The following ZNF626 variants were observed in gnomAD, a reference collection of about 807,000 sequenced individuals.
ZNF626 encodes zinc finger protein 626.
A neutral mutation model predicts 11.7 loss-of-function variants in ZNF626; 4 were observed. The ratio of observed to expected loss-of-function variants is 0.34; its 90% CI spans 0.17 to 0.78. The LOEUF is 0.78. Ranked by LOEUF, ZNF626 falls within the 30% of genes least tolerant of loss-of-function variation. The pLI is 0.57. For synonymous variants in ZNF626, 179 were observed against 198.6 expected (o/e 0.90, Z 0.83); for missense variants, 588 against 587.1 (o/e 1.00, Z -0.01).
intron 1 of ZNF626, among the ~76,000 whole-genome samples, chr19:20,653,216 G>A (rs556285209): frequency 6.6e-6 from 1 of 152,210 alleles, no homozygotes; most frequent in South Asian, 2.1e-4. Flanking sequence ...GGTAATTCTA[G>A]ACTGTTTGGA....
intron 3 of ZNF626, among the ~76,000 whole-genome samples, chr19:20,638,792 T>G (rs1363443935): frequency 6.6e-6 from 1 of 152,074 alleles, no homozygotes; most frequent in Non-Finnish European, 1.5e-5. Flanking sequence ...AAGCAAATAT[T>G]GACAAAAGTG....
At position 20,630,231 on chromosome 19, in the gene ZNF626, G is replaced by A. The variant is rs35447331; in HGVS notation, c.227-4581C>T. On this transcript the variant is annotated intron_variant, in intron 3 of 3. Coordinates refer to ENST00000601440, the MANE Select transcript of ZNF626 (RefSeq NM_001076675.3). ...TCGATGTTCATCAAGGATATTGGTC[G>A]AAAATTCTCTTTTTTGGTTGGGTCT... Among the ~76,000 whole-genome samples, 36 of 151,948 alleles carry A rather than the reference G, an allele frequency of 2.4e-4. 1 individual carries two copies. In the East Asian group the frequency reaches 5.2e-3, roughly 22 times the overall value.
At chr19:20,646,158 A>AT (rs1405584541) in intron 2 of ZNF626, 121 bp downstream of exon 2, 1 of 1,221,094 alleles carries the variant, frequency 8.2e-7, no homozygotes, top group Non-Finnish European at 1.1e-6. Context: ...AATTCTGAAG[A>AT]TTTTCTGGAA....
At chr19:20,639,661 C>A (rs1970002659) in intron 3 of ZNF626, among the ~76,000 whole-genome samples, 1 of 152,166 alleles carries the variant, frequency 6.6e-6, no homozygotes, top group Non-Finnish European at 1.5e-5. Context: ...CACTTGAGCC[C>A]AGGAGGCTGA....
intron 1 of ZNF626, among the ~76,000 whole-genome samples, chr19:20,656,451 A>T (rs1555773130): frequency 6.6e-6 from 1 of 152,176 alleles, no homozygotes. Flanking sequence ...GACCTATTTA[A>T]ACTAAAGAGC....
At chr19:20,626,040 A>G (rs1363289094) in intron 3 of ZNF626, among the ~76,000 whole-genome samples, 1 of 152,094 alleles carries the variant, frequency 6.6e-6, no homozygotes, top group African/African-American at 2.4e-5. Flanking sequence ...ACGTGGGTGG[A>G]TCAGAAGGTC....
At chr19:20,634,856 A>G (rs1208626686) in intron 3 of ZNF626, among the ~76,000 whole-genome samples, 1 of 151,704 alleles carries the variant, frequency 6.6e-6, no homozygotes, top group Admixed American at 6.6e-5. Context: ...TGATTTCTAA[A>G]CACATCAAAA....
rs60283787 is a variant in ZNF626 at position 20,638,425 on chromosome 19, C to CTAAATAAATAAATAAATAAA, written c.226+7239_226+7258dup. Among the ~76,000 whole-genome samples, 701 of 141,116 alleles carry CTAAATAAATAAATAAATAAA rather than the reference C, an allele frequency of 5.0e-3. 9 individuals are homozygous for CTAAATAAATAAATAAATAAA. The highest frequency in any genetic ancestry group is 0.018 in the Admixed American group (244 of 13,894). 92.6% of individuals were successfully genotyped at this position (141,116 alleles called of 152,430 possible). A position where few individuals can be genotyped will look rare whatever the true frequency, so the allele number is the denominator to read the frequency against. On this transcript the variant is annotated intron_variant, in intron 3 of 3. Transcript: ENST00000601440. ...GGGCAACAAGAGCAAAACTGCATGT[C>CTAAATAAATAAATAAATAAA]TAAATAAATAAATAAATAAATAAAT...
intron 3 of ZNF626, among the ~76,000 whole-genome samples, chr19:20,639,550 C>CA (rs1970001319): frequency 1.3e-5 from 2 of 152,088 alleles, no homozygotes. Context: ...CCAGCCTGGG[C>CA]AACGTAGTCA....
intron 1 of ZNF626, among the ~76,000 whole-genome samples, chr19:20,650,621 G>T (rs1397869649): frequency 6.6e-6 from 1 of 152,074 alleles, no homozygotes; most frequent in Non-Finnish European, 1.5e-5. Flanking sequence ...CGTAAATAAG[G>T]CCTCCAAAAA....
In ZNF626 at chr19:20,620,298, G is replaced by T. The variant is rs965568159; in HGVS notation, c.*3992C>A. The T allele has an allele frequency of 6.6e-5, 10 of 151,998 alleles. No individual in the cohort carries two copies. The highest frequency in any genetic ancestry group is 1.5e-4 in the Non-Finnish European group (10 of 68,018). The allele number at this position is 151,998 out of a possible 1,614,324, so 9.4% of individuals were successfully genotyped here. On this transcript the variant is annotated 3_prime_UTR_variant, in exon 4 of 4. Transcript: ENST00000601440. Reference sequence around the variant, plus strand: ...TACATTTGCTTTCAGCATATTCAAGGTGTTTAGTTTTCCATTAATCACCTA... The same window carrying T: ...TACATTTGCTTTCAGCATATTCAAGTTGTTTAGTTTTCCATTAATCACCTA...
chr19:20,654,505 G>GC (rs1555772913), intron 1 of ZNF626, among the ~76,000 whole-genome samples: 2 of 151,264 alleles, frequency 1.3e-5, no homozygotes, highest in Non-Finnish European at 1.5e-5. Flanking sequence ...TCAGGAGATT[G>GC]AGACCATCCT....
At chr19:20,632,623 T>C (rs1190720671) in intron 3 of ZNF626, among the ~76,000 whole-genome samples, 20 of 152,352 alleles carry the variant, frequency 1.3e-4, no homozygotes, top group Admixed American at 6.5e-4. Flanking sequence ...TCTCGTGCCT[T>C]GGTTTTCAGC....
intron 1 of ZNF626, among the ~76,000 whole-genome samples, chr19:20,648,498 T>C (rs1310539373): frequency 6.6e-6 from 1 of 151,814 alleles, no homozygotes; most frequent in East Asian, 2.0e-4. Context: ...TGCATCAGCC[T>C]ACCAAGTAGC....
In ZNF626 at chr19:20,620,700, C is replaced by T. The variant is rs113601689; in HGVS notation, c.*3590G>A. The T allele has an allele frequency of 0.078, 11,887 of 152,088 alleles. 509 individuals carry two copies. The highest frequency in any genetic ancestry group is 0.13 in the South Asian group (644 of 4,812). 9.4% of individuals were successfully genotyped at this position (152,088 alleles called of 1,614,324 possible). The stretch of plus-strand genomic sequence containing the variant: ...TCCAGGTGTGCGCCACCATGACTGG[C>T]TAATTTTTCTATTTTTAGTAGAGAC... On this transcript the variant is annotated 3_prime_UTR_variant, in exon 4 of 4. Coordinates refer to ENST00000601440, the MANE Select transcript of ZNF626 (RefSeq NM_001076675.3).
intron 3 of ZNF626, among the ~76,000 whole-genome samples, chr19:20,642,454 C>CGGG: frequency 6.6e-6 from 1 of 152,052 alleles, no homozygotes; most frequent in East Asian, 1.9e-4. Context: ...AAGAATTGGC[C>CGGG]GGGGGTGGTG....
intron 3 of ZNF626, among the ~76,000 whole-genome samples, chr19:20,633,531 G>A (rs1256035732): frequency 6.6e-6 from 1 of 152,212 alleles, no homozygotes. Flanking sequence ...CTTGCAGTTT[G>A]ATCTCGGGCT....
chr19:20,642,260 A>G (rs1970031873), intron 3 of ZNF626, among the ~76,000 whole-genome samples: 1 of 152,244 alleles, frequency 6.6e-6, no homozygotes, highest in Non-Finnish European at 1.5e-5. Context: ...CTCTAAAATT[A>G]TAATACATAA....
At chr19:20,658,863 G>T (rs182072864) in intron 1 of ZNF626, among the ~76,000 whole-genome samples, 1 of 152,108 alleles carries the variant, frequency 6.6e-6, no homozygotes, top group African/African-American at 2.4e-5. Flanking sequence ...GCTACTGTTT[G>T]AAAACTGAGG....
Sources: gnomAD v4.1 joint callset for allele counts (sites outside exome capture counted in the v4.1 genomes callset) on GRCh38, gnomAD v4.1.1 for gene constraint, MANE v1.5 for transcripts, NCBI Gene and HGNC (gene_info 2026-07-23, HGNC 2026-07-21) for gene names.